Variants in ZC3HC1 observed in about 807,000 individuals in gnomAD.
ZC3HC1 encodes the protein zinc finger C3HC-type protein 1.
In ZC3HC1, 38 loss-of-function variants were observed where a neutral mutation model predicts 61.9. That is an observed-to-expected ratio of 0.61 (90% CI 0.47 to 0.81). The LOEUF is 0.81. Ranked by LOEUF, ZC3HC1 falls within the 30% of genes least tolerant of loss-of-function variation. The probability of loss-of-function intolerance (pLI) is 0.00; values close to 1 mark genes in which losing one functional copy is unlikely to be tolerated. For missense variants in ZC3HC1, 554 were observed against 622.7 expected, an observed-to-expected ratio of 0.89 and a Z score of 1.17; for synonymous variants, 213 against 229.9, an observed-to-expected ratio of 0.93 and a Z score of 0.67.
intron 4 of ZC3HC1, among the ~76,000 whole-genome samples, chr7:130,037,521 T>C (rs534324770): frequency 6.6e-6 from 1 of 152,194 alleles, no homozygotes; most frequent in Non-Finnish European, 1.5e-5. Context: ...CAAATCCTCA[T>C]AGGACCAAGT....
chr7:130,049,187 C>T lies in ZC3HC1; in HGVS notation c.147-43G>A, dbSNP rs760438243. ...AACTGTTGGTAAACCTTTCACAGTA[C>T]CCTCTGCTTAAATGTTATCTAGCTT... On this transcript the variant is annotated intron_variant, in intron 1 of 9. Coordinates refer to ENST00000358303, the MANE Select transcript of ZC3HC1 (RefSeq NM_016478.5). The T allele has an allele frequency of 4.1e-6, 6 of 1,446,132 alleles. No individual in the cohort carries two copies. The African/African-American group carries it at 5.7e-5, about 14-fold the overall frequency. 89.6% of individuals were successfully genotyped at this position (1,446,132 alleles called of 1,614,324 possible). A position where few individuals can be genotyped will look rare whatever the true frequency, so the allele number is the denominator to read the frequency against.
Position 130,049,102 on chromosome 7 carries a change from G to A in ZC3HC1, c.189C>T (p.Pro63=), listed in dbSNP as rs1794975887. The A allele has an allele frequency of 1.2e-6, 2 of 1,609,264 alleles. No individual in the cohort carries two copies. Among genetic ancestry groups the A allele is most frequent in the African/African-American group, 1.3e-5 (1 of 74,798 alleles). Residue 63 remains proline (P), a synonymous_variant, in exon 2 of 10, where the codon CCC becomes CCT. Coordinates refer to ENST00000358303, the MANE Select transcript of ZC3HC1 (RefSeq NM_016478.5). The stretch of plus-strand genomic sequence containing the variant: ...ATTCCAATGAAGGTTGTTCCGCTTG[G>A]GGTGATCCATTAACTGACTGGGATG... ...SATSQSVNGS[P]QAEQPSLEST... is the part of the protein sequence containing the mutation.
At position 130,023,517 on chromosome 7, in the gene ZC3HC1, G is replaced by A; in HGVS notation, c.1227C>T (p.Ser409=). 6.2e-7 allele frequency: 1 copy of A among 1,614,102 alleles called. No individual in the cohort carries two copies. Among genetic ancestry groups the A allele is most frequent in the Non-Finnish European group, 8.5e-7 (1 of 1,180,014 alleles). Residue 409 remains serine (S), a synonymous_variant, in exon 8 of 10, where the codon AGC becomes AGT. Transcript: ENST00000358303. This position sits in a 1 kb window ranked among gnomAD's most constrained non-coding sequence, Gnocchi z 4.2. ...KAKRARLCSS[S]SSDTSSRSFF... ...ACATGCGAGGTGGACTCACCGAACT[G>A]CTGGAGGAGCAGAGGCGAGCTCGCT...
chr7:130,023,799 CTTTT>C lies in ZC3HC1; in HGVS notation c.1021-80_1021-77del. ...GGTCAGAAATACTTCTTTCTTTAAT[CTTTT>C]TTCTTTTTTTTTTTGAGACAGAGTC... On this transcript the variant is annotated intron_variant, in intron 7 of 9. Coordinates refer to ENST00000358303, the MANE Select transcript of ZC3HC1 (RefSeq NM_016478.5). The surrounding 1 kb of genome is among the most constrained non-coding windows in gnomAD (Gnocchi z 4.2). 1 of 1,246,370 alleles carries C rather than the reference CTTTT, an allele frequency of 8.0e-7. No homozygotes were observed. The highest frequency in any genetic ancestry group is 2.5e-5 in the East Asian group (1 of 40,178). The allele number at this position is 1,246,370 out of a possible 1,614,324, so 77.2% of individuals were successfully genotyped here.
chr7:130,022,262 C>T (rs1183844140), intron 9 of ZC3HC1, 57 bp downstream of exon 9: 22 of 1,606,834 alleles, frequency 1.4e-5, no homozygotes, highest in Non-Finnish European at 1.9e-5. Context: ...CCAGCCTCTG[C>T]TCCACCTCCC....
rs1584600618 is a variant in ZC3HC1 at position 130,049,137 on chromosome 7, T to C, written c.154A>G (p.Thr52Ala). Residue 52 changes from threonine to alanine, a missense_variant, in exon 2 of 10, where the codon ACG becomes GCG. Thr to Ala is a moderately conservative substitution (Grantham distance 58, BLOSUM62 0). Coordinates refer to ENST00000358303, the MANE Select transcript of ZC3HC1 (RefSeq NM_016478.5). The part of the protein sequence containing the change: ...PEEGGVDAKD[T>A]SATSQSVNGS... ...TTAACTGACTGGGATGTGGCAGACG[T>C]GTCCTTCCTAATATAAAGTGGCAAA... 1 of 1,594,638 alleles carries C rather than the reference T, an allele frequency of 6.3e-7. No homozygotes were observed. Among genetic ancestry groups the C allele is most frequent in the East Asian group, 2.3e-5 (1 of 43,942 alleles).
In ZC3HC1 at chr7:130,039,506, C is replaced by T. The variant is rs756399281; in HGVS notation, c.451G>A (p.Ala151Thr). The T allele has an allele frequency of 1.9e-6, 3 of 1,612,852 alleles. No homozygotes were observed. Among genetic ancestry groups the T allele is most frequent in the Non-Finnish European group, 2.5e-6 (3 of 1,179,714 alleles). Residue 151 changes from alanine (A) to threonine (T), a missense_variant, in exon 4 of 10, where the codon GCC (alanine) becomes ACC (threonine). Physicochemically the swap from Ala to Thr is moderately conservative, Grantham distance 58. Coordinates refer to ENST00000358303, the MANE Select transcript of ZC3HC1 (RefSeq NM_016478.5). ...CAELKKALCT[A>T]HEKFCFWPDS... ...GGCCAGAAACAGAACTTCTCATGGG[C>T]AGTACACAAGGCTTTCTTCAGCTCA...
intron 6 of ZC3HC1, 101 bp downstream of exon 6, chr7:130,026,057 G>T: frequency 1.5e-6 from 2 of 1,356,444 alleles, no homozygotes; most frequent in East Asian, 2.4e-5. Context: ...TTTTTCTCAC[G>T]GGAAACACCA....
intron 9 of ZC3HC1, among the ~76,000 whole-genome samples, chr7:130,019,523 G>A (rs1332818671): frequency 1.3e-5 from 2 of 152,168 alleles, no homozygotes; most frequent in Non-Finnish European, 2.9e-5. Context: ...GGTCTTCACC[G>A]CTTTTATGTT....
At chr7:130,050,510 G>A in intron 1 of ZC3HC1, 2 of 1,471,394 alleles carry the variant, frequency 1.4e-6, no homozygotes, top group Non-Finnish European at 8.9e-7. Context: ...AAAATTCACA[G>A]CATCCATAAA....
chr7:130,028,702 C>T (rs2116694009), intron 5 of ZC3HC1, among the ~76,000 whole-genome samples, 200 bp downstream of exon 5: 1 of 152,024 alleles, frequency 6.6e-6, no homozygotes, highest in South Asian at 2.1e-4. Flanking sequence ...TGAATCTATG[C>T]CATTTAAAAA....
chr7:130,040,460 CTCCA>C (rs371321971), intron 3 of ZC3HC1, among the ~76,000 whole-genome samples: 5,207 of 134,750 alleles, frequency 0.039, 163 homozygotes, highest in African/African-American at 0.1. Context: ...CACCACTGCA[CTCCA>C]TCCAGCCTGG....
chr7:130,020,789 A>C (rs148010080), intron 9 of ZC3HC1, among the ~76,000 whole-genome samples: 2,377 of 152,294 alleles, frequency 0.016, 34 homozygotes, highest in Middle Eastern at 0.02. Context: ...TCTTACTGAA[A>C]ACTGCCAATG....
At chr7:130,050,969 A>G (rs1448953464) in intron 1 of ZC3HC1, among the ~76,000 whole-genome samples, 5 of 152,254 alleles carry the variant, frequency 3.3e-5, no homozygotes, top group Non-Finnish European at 7.3e-5. Flanking sequence ...GAACTCATTC[A>G]GTTAACGGTC....
In ZC3HC1 at chr7:130,022,311, T is replaced by TATCTCACCA; in HGVS notation, c.1439_1440+7dup. The TATCTCACCA allele has an allele frequency of 6.2e-7, 1 of 1,614,140 alleles. No individual in the cohort carries two copies. Among genetic ancestry groups the TATCTCACCA allele is most frequent in the Admixed American group, 1.7e-5 (1 of 60,014 alleles). ...GCTGCCCACACACAAGGCAGTGGCG[T>TATCTCACCA]ATCTCACCATGGAGTCCGTTTCAGC... On this transcript the variant is annotated splice_region_variant and intron_variant, in intron 9 of 9. Coordinates refer to ENST00000358303, the MANE Select transcript of ZC3HC1 (RefSeq NM_016478.5).
At position 130,023,239 on chromosome 7, in the gene ZC3HC1, C is replaced by T. The variant is rs893676281; in HGVS notation, c.1233+272G>A. ...CCCTGGTGCCAAAAAGGTTGGGGAC[C>T]GCTGCCAGATCAGGTTTGTCCCTGT... On this transcript the variant is annotated intron_variant, in intron 8 of 9. Transcript: ENST00000358303. The surrounding 1 kb of genome is among the most constrained non-coding windows in gnomAD (Gnocchi z 4.2). 5.9e-5 allele frequency among the ~76,000 whole-genome samples: 9 copies of T among 152,048 alleles called. No individual in the cohort carries two copies. Among genetic ancestry groups the T allele is most frequent in the Non-Finnish European group, 1.2e-4 (8 of 68,014 alleles).
Position 130,036,514 on chromosome 7 carries a change from A to G in ZC3HC1, c.493+2950T>C, listed in dbSNP as rs1440903433. 8 of 152,226 alleles carry G rather than the reference A, an allele frequency of 5.3e-5. No homozygotes were observed. In the East Asian group the frequency reaches 1.2e-3, roughly 22 times the overall value. The allele number at this position is 152,226 out of a possible 1,614,324, so 9.4% of individuals were successfully genotyped here. A position where few individuals can be genotyped will look rare whatever the true frequency, so the allele number is the denominator to read the frequency against. ...GAAGCGGAGGTTGCAGTGAGCCAAGATCGCGCCACTGCACTCTAGCCTGGG... is the reference window on the plus strand; with the variant it reads ...GAAGCGGAGGTTGCAGTGAGCCAAGGTCGCGCCACTGCACTCTAGCCTGGG... On this transcript the variant is annotated intron_variant, in intron 4 of 9. Coordinates refer to ENST00000358303, the MANE Select transcript of ZC3HC1 (RefSeq NM_016478.5).
intron 2 of ZC3HC1, among the ~76,000 whole-genome samples, chr7:130,042,497 C>T (rs1277246190): frequency 6.6e-6 from 1 of 151,974 alleles, no homozygotes; most frequent in Admixed American, 6.6e-5. Context: ...CCTACTGTAC[C>T]CCATCCATTT....
chr7:130,051,376 C>T, upstream of ZC3HC1: 1 of 1,612,582 alleles, frequency 6.2e-7, no homozygotes, highest in African/African-American at 1.3e-5. Context: ...TCTTGGTCCG[C>T]TGCCGAGTTG....
Sources: allele counts gnomAD v4.1 joint callset (sites outside exome capture counted in the v4.1 genomes callset), GRCh38; gene constraint gnomAD v4.1.1; non-coding constraint Gnocchi (gnomAD v3.1); transcripts MANE v1.5; gene names NCBI Gene and HGNC (gene_info 2026-07-23, HGNC 2026-07-21).